Variants in NAALAD2 observed in about 807,000 individuals in gnomAD.
The protein encoded by NAALAD2 is N-acetylated-alpha-linked acidic dipeptidase 2.
Under a neutral mutation model 95.6 loss-of-function variants are expected in NAALAD2, and 89 were observed. That is an observed-to-expected ratio of 0.93 (90% CI 0.78 to 1.11). NAALAD2 has a LOEUF of 1.11. Among genes scored for constraint, NAALAD2 ranks in the 50% least tolerant of loss-of-function variants. The pLI, the probability that NAALAD2 is intolerant of heterozygous loss-of-function variation, is 0.00. For synonymous variants in NAALAD2, 264 were observed against 294.4 expected, an observed-to-expected ratio of 0.90 and a Z score of 1.06; for missense variants, 894 against 872.4, an observed-to-expected ratio of 1.02 and a Z score of -0.31.
At chr11:90,144,814 C>G (rs114669951) in intron 2 of NAALAD2, among the ~76,000 whole-genome samples, 2 of 148,236 alleles carry the variant, frequency 1.3e-5, no homozygotes, top group African/African-American at 5.0e-5. Context: ...AAGATATAAG[C>G]GAATAGTTGA....
In NAALAD2 at chr11:90,163,117, G is replaced by A. The variant is rs1007321576; in HGVS notation, c.1075+83G>A. On this transcript the variant is annotated intron_variant, in intron 9 of 18. Coordinates refer to ENST00000534061, the MANE Select transcript of NAALAD2 (RefSeq NM_005467.4). ...AGATAAATTGTAGTCAACAATTGAA[G>A]TGGGGTTTTTTGGCTGATTTGAAAC... is the stretch of plus-strand genomic sequence containing the variant. 3 of 1,235,052 alleles carry A rather than the reference G, an allele frequency of 2.4e-6. No homozygotes were observed. In the African/African-American group the frequency reaches 4.6e-5, roughly 19 times the overall value. 76.5% of individuals were successfully genotyped at this position (1,235,052 alleles called of 1,614,324 possible). A position where few individuals can be genotyped will look rare whatever the true frequency, so the allele number is the denominator to read the frequency against.
intron 12 of NAALAD2, 22 bp from the exon 13 acceptor site, chr11:90,170,042 ATACTC>A: frequency 7.4e-7 from 1 of 1,345,720 alleles, no homozygotes; most frequent in Non-Finnish European, 1.1e-6. Flanking sequence ...GTATGAAATA[ATACTC>A]TGTGTCTTAT....
At chr11:90,148,889 A>G (rs910354799) in intron 3 of NAALAD2, 117 bp from the exon 4 acceptor site, 2 of 573,308 alleles carry the variant, frequency 3.5e-6, no homozygotes, top group Non-Finnish European at 6.3e-6. Flanking sequence ...TAATTTATCT[A>G]TTACAGAACC....
intron 13 of NAALAD2, 78 bp downstream of exon 13, chr11:90,170,214 G>T (rs549321194): frequency 3.3e-6 from 3 of 899,618 alleles, no homozygotes; most frequent in Non-Finnish European, 3.7e-6. Flanking sequence ...CTAAATTAAT[G>T]GTACTTATTT....
intron 6 of NAALAD2, among the ~76,000 whole-genome samples, chr11:90,155,405 T>A (rs372671665): frequency 0.31 from 26,016 of 85,214 alleles, 3,931 homozygotes; most frequent in African/African-American, 0.48. Context: ...ATAATATATA[T>A]AATGTAATAT....
chr11:90,131,830 A>G (rs1423927517), upstream of NAALAD2: 5 of 152,176 alleles, frequency 3.3e-5, no homozygotes, highest in African/African-American at 1.2e-4. Context: ...GAGTTTTGTT[A>G]TGTTAGAGGC....
In NAALAD2 at chr11:90,168,986, A is replaced by G. The variant is rs10830430; in HGVS notation, c.1336A>G (p.Ile446Val). 0.13 allele frequency: 201,265 copies of G among 1,593,432 alleles called. 14,813 individuals carry two copies. The highest frequency in any genetic ancestry group is 0.27 in the African/African-American group (20,266 of 73,722). ...TGCTTATATCAACTCGGATTCATCT[A>G]TAGAAGGTAAATTTTATTTCAATTT... ...SIAYINSDSS[I>V]EGNYTLRVDC... The change falls in exon 12 of 19, where the codon ATA becomes GTA. Residue 446 changes from isoleucine (I) to valine (V), a missense_variant. By Grantham distance (29) the Ile-to-Val change is conservative. Coordinates refer to ENST00000534061, the MANE Select transcript of NAALAD2 (RefSeq NM_005467.4).
At chr11:90,191,242 A>C (rs1429134007) in intron 18 of NAALAD2, among the ~76,000 whole-genome samples, 2 of 151,998 alleles carry the variant, frequency 1.3e-5, no homozygotes, top group South Asian at 4.1e-4. Flanking sequence ...ATAAACTTAC[A>C]TGTTATCACC....
chr11:90,137,861 T>G (rs1485408243), intron 2 of NAALAD2, among the ~76,000 whole-genome samples: 1 of 152,068 alleles, frequency 6.6e-6, no homozygotes, highest in Admixed American at 6.5e-5. Context: ...CAGGCTGGTC[T>G]CGAACTCATG....
chr11:90,181,737 A>T (rs762557962), intron 17 of NAALAD2, 36 bp downstream of exon 17: 1 of 1,306,632 alleles, frequency 7.7e-7, no homozygotes, highest in Non-Finnish European at 1.1e-6. Context: ...AAAAAAAAAA[A>T]AAAAAGCAAT....
intron 8 of NAALAD2, among the ~76,000 whole-genome samples, chr11:90,160,707 TACAG>T (rs1952268924): frequency 2.0e-5 from 3 of 152,154 alleles, no homozygotes; most frequent in South Asian, 2.1e-4. Flanking sequence ...AACAGAAACA[TACAG>T]ACAGAGAAAA....
chr11:90,166,937 G>A (rs1252530797), intron 11 of NAALAD2, among the ~76,000 whole-genome samples: 1 of 152,192 alleles, frequency 6.6e-6, no homozygotes, highest in Non-Finnish European at 1.5e-5. Context: ...ATCACCTGAG[G>A]TCAGGAGTTC....
rs1951771099 is a variant in NAALAD2 at position 90,147,327 on chromosome 11, T to G, written c.195-3T>G. 6.2e-7 allele frequency: 1 copy of G among 1,611,086 alleles called. No homozygotes were observed. The highest frequency in any genetic ancestry group is 1.3e-5 in the African/African-American group (1 of 74,882). On this transcript the variant is annotated splice_region_variant and splice_polypyrimidine_tract_variant and intron_variant, in intron 2 of 18. Coordinates refer to ENST00000534061, the MANE Select transcript of NAALAD2 (RefSeq NM_005467.4). ...GCCCTCTTATGTTTTATTTTCATTT[T>G]AGTTCTTTTACAAAGCTTCCTCATC... is the stretch of plus-strand genomic sequence containing the variant.
intron 11 of NAALAD2, among the ~76,000 whole-genome samples, chr11:90,166,976 C>T (rs1268524321): frequency 6.6e-6 from 1 of 152,188 alleles, no homozygotes; most frequent in East Asian, 1.9e-4. Context: ...ATGGTGAAAC[C>T]CCGTGTCTAT....
At chr11:90,138,024 C>A (rs1951496119) in intron 2 of NAALAD2, among the ~76,000 whole-genome samples, 2 of 151,926 alleles carry the variant, frequency 1.3e-5, no homozygotes, top group African/African-American at 2.4e-5. Context: ...CCCATGCAGT[C>A]AAAAATCCAC....
At chr11:90,168,318 G>A (rs1057397387) in intron 11 of NAALAD2, among the ~76,000 whole-genome samples, 2 of 152,164 alleles carry the variant, frequency 1.3e-5, no homozygotes, top group Non-Finnish European at 2.9e-5. Context: ...GCGAGGGTCC[G>A]CGGCTTCATT....
chr11:90,188,373 G>A (rs1857224017), intron 18 of NAALAD2, among the ~76,000 whole-genome samples: 1 of 152,166 alleles, frequency 6.6e-6, no homozygotes, highest in Non-Finnish European at 1.5e-5. Flanking sequence ...ATAACTAAAT[G>A]TTTATTGTGA....
chr11:90,184,351 G>A (rs2134988720), intron 18 of NAALAD2, among the ~76,000 whole-genome samples: 1 of 152,146 alleles, frequency 6.6e-6, no homozygotes, highest in Non-Finnish European at 1.5e-5. Flanking sequence ...GATTATAATT[G>A]CTTTTACTCA....
In NAALAD2 at chr11:90,134,708, C is replaced by G. The variant is rs758624507; in HGVS notation, c.-51C>G. The G allele has an allele frequency of 6.3e-7, 1 of 1,584,882 alleles. No homozygotes were observed. The highest frequency in any genetic ancestry group is 1.1e-5 in the South Asian group (1 of 90,382). ...AGCGCGCTCTCTGTTTCTCTGCAGC[C>G]CCGAAGCTCGCGAATGTAGCAGGCG... On this transcript the variant is annotated 5_prime_UTR_variant, in exon 1 of 19. Coordinates refer to ENST00000534061, the MANE Select transcript of NAALAD2 (RefSeq NM_005467.4).
Sources: gnomAD v4.1 joint callset for allele counts (sites outside exome capture counted in the v4.1 genomes callset) on GRCh38, gnomAD v4.1.1 for gene constraint, MANE v1.5 for transcripts, NCBI Gene and HGNC (gene_info 2026-07-23, HGNC 2026-07-21) for gene names.